SLC5A9: variants seen among roughly 807,000 people sequenced by gnomAD.
SLC5A9 encodes solute carrier family 5 member 9, also known as sodium/glucose cotransporter 4.
A neutral mutation model predicts 70.9 loss-of-function variants in SLC5A9; 59 were observed. That is an observed-to-expected ratio of 0.83 (90% CI 0.68 to 1.03). SLC5A9 has a LOEUF of 1.03. Ranked by LOEUF, SLC5A9 falls within the 50% of genes least tolerant of loss-of-function variation. SLC5A9 has a pLI of 0.00. For synonymous variants in SLC5A9, 340 were observed against 346.5 expected (o/e 0.98, Z 0.21); for missense variants, 832 against 881.1 (o/e 0.94, Z 0.71).
At chr1:48,246,032 C>G (rs1569874620) in intron 13 of SLC5A9, among the ~76,000 whole-genome samples, 1 of 151,610 alleles carries the variant, frequency 6.6e-6, no homozygotes, top group Admixed American at 6.6e-5. Flanking sequence ...CAGAGTAGAT[C>G]TGAAAGAAAT....
intron 13 of SLC5A9, among the ~76,000 whole-genome samples, chr1:48,246,159 C>T (rs1644458181): frequency 6.6e-6 from 1 of 152,080 alleles, no homozygotes; most frequent in African/African-American, 2.4e-5. Flanking sequence ...TCTGTGCATC[C>T]TCTGTCTCAG....
intron 2 of SLC5A9, among the ~76,000 whole-genome samples, chr1:48,225,564 G>A (rs1194888696): frequency 6.6e-6 from 1 of 152,036 alleles, no homozygotes; most frequent in Non-Finnish European, 1.5e-5. Context: ...CCCAGTGGTA[G>A]CTGAAGCAGT....
intron 2 of SLC5A9, among the ~76,000 whole-genome samples, chr1:48,225,797 TAC>T (rs1385401350): frequency 4.6e-5 from 7 of 152,212 alleles, no homozygotes; most frequent in Non-Finnish European, 8.8e-5. Context: ...CTCACTCTCA[TAC>T]ACACTGTCAC....
At chr1:48,230,108 G>A (rs1450185961) in intron 4 of SLC5A9, among the ~76,000 whole-genome samples, 1 of 152,226 alleles carries the variant, frequency 6.6e-6, no homozygotes, top group Non-Finnish European at 1.5e-5. Context: ...GCCCATGTCT[G>A]CTAATAAACC....
chr1:48,233,854 G>A (rs1330763653), intron 9 of SLC5A9, 92 bp downstream of exon 9: 8 of 888,578 alleles, frequency 9.0e-6, no homozygotes, highest in Non-Finnish European at 1.3e-5. Flanking sequence ...ACATGGATGG[G>A]AAGAGGGAAG....
At chr1:48,245,851 C>T (rs1438564303) in intron 13 of SLC5A9, among the ~76,000 whole-genome samples, 1 of 151,880 alleles carries the variant, frequency 6.6e-6, no homozygotes, top group East Asian at 1.9e-4. Context: ...GTCATAGCTG[C>T]TCAGGAGGCT....
chr1:48,222,922 C>G, intron 1 of SLC5A9, 24 bp downstream of exon 1: 1 of 1,612,406 alleles, frequency 6.2e-7, no homozygotes, highest in South Asian at 1.1e-5. Flanking sequence ...GAGGCTGGGG[C>G]TAGCAGGGGA....
At chr1:48,228,399 C>T (rs1644195349) in intron 2 of SLC5A9, 1 of 169,632 alleles carries the variant, frequency 5.9e-6, no homozygotes, top group Non-Finnish European at 1.3e-5. Flanking sequence ...AGAGGTCGAC[C>T]TGGCCTGTGC....
chr1:48,224,426 A>G (rs907367504), intron 1 of SLC5A9, among the ~76,000 whole-genome samples: 1 of 152,200 alleles, frequency 6.6e-6, no homozygotes, highest in African/African-American at 2.4e-5. Flanking sequence ...TGGGGAGGGA[A>G]GGATAAGGGG....
intron 1 of SLC5A9, among the ~76,000 whole-genome samples, chr1:48,224,414 T>C (rs780578741): frequency 2.3e-4 from 35 of 152,214 alleles, no homozygotes; most frequent in Middle Eastern, 3.4e-3. Context: ...GAAAGCGCAC[T>C]TTGGGGAGGG....
chr1:48,226,143 CTG>C (rs1315394274), intron 2 of SLC5A9, among the ~76,000 whole-genome samples: 1 of 152,168 alleles, frequency 6.6e-6, no homozygotes, highest in Non-Finnish European at 1.5e-5. Flanking sequence ...GGCGGGGTCA[CTG>C]GTGCTACAGC....
chr1:48,231,882 T>C, intron 6 of SLC5A9, 64 bp from the exon 7 acceptor site: 2 of 1,603,338 alleles, frequency 1.2e-6, no homozygotes, highest in South Asian at 2.2e-5. Context: ...AGGCTGGGGC[T>C]GGGCTTGCTG....
chr1:48,235,261 C>T (rs1340343734), intron 9 of SLC5A9, among the ~76,000 whole-genome samples: 1 of 152,172 alleles, frequency 6.6e-6, no homozygotes, highest in East Asian at 1.9e-4. Context: ...GGGCTTTAGC[C>T]CAACACCACC....
At chr1:48,228,604 A>G (rs1049799474) in intron 2 of SLC5A9, 5 of 537,694 alleles carry the variant, frequency 9.3e-6, no homozygotes, top group African/African-American at 7.7e-5. Context: ...CCACTTCACC[A>G]TTTACTCACT....
At position 48,232,021 on chromosome 1, in the gene SLC5A9, A is replaced by G. The variant is rs1298967389; in HGVS notation, c.767A>G (p.Asn256Ser). 14 of 1,613,914 alleles carry G rather than the reference A, an allele frequency of 8.7e-6. No homozygotes were observed. Among genetic ancestry groups the G allele is most frequent in the South Asian group, 5.5e-5 (5 of 91,082 alleles). The change falls in exon 7 of 14, where the codon AAC becomes AGC. Residue 256 changes from asparagine (N) to serine (S), a missense_variant. Physicochemically the swap from Asn to Ser is conservative, Grantham distance 46 (BLOSUM62 1). Coordinates refer to ENST00000438567, the MANE Select transcript of SLC5A9 (RefSeq NM_001011547.3). The stretch of plus-strand genomic sequence containing the variant: ...GCCATCCCTAATGTCACAGTCCCCA[A>G]CACCACCTGTCACCTCCCACGGCCC... Reference protein sequence around the residue: ...RQAIPNVTVPNTTCHLPRPDA... With the variant: ...RQAIPNVTVPSTTCHLPRPDA...
intron 13 of SLC5A9, among the ~76,000 whole-genome samples, chr1:48,244,270 G>C (rs992979063): frequency 6.6e-6 from 1 of 152,302 alleles, no homozygotes; most frequent in South Asian, 2.1e-4. Context: ...AGAGCTAAGA[G>C]CACAGACAGG....
chr1:48,234,500 T>C (rs1644300321), intron 9 of SLC5A9, among the ~76,000 whole-genome samples: 1 of 152,020 alleles, frequency 6.6e-6, no homozygotes, highest in African/African-American at 2.4e-5. Flanking sequence ...GTGGTCCAGG[T>C]AGGTGGACCA....
intron 1 of SLC5A9, 44 bp from the exon 2 acceptor site, chr1:48,224,680 C>G: frequency 6.3e-7 from 1 of 1,595,648 alleles, no homozygotes; most frequent in Non-Finnish European, 8.6e-7. Flanking sequence ...GGCAGAGGTT[C>G]AGAGAGTCTT....
chr1:48,222,920 G>A (rs777955176), intron 1 of SLC5A9, 22 bp downstream of exon 1: 6 of 1,612,650 alleles, frequency 3.7e-6, no homozygotes, highest in Non-Finnish European at 5.1e-6. Flanking sequence ...CTGAGGCTGG[G>A]GCTAGCAGGG....
Sources: allele counts gnomAD v4.1 joint callset (sites outside exome capture counted in the v4.1 genomes callset), GRCh38; gene constraint gnomAD v4.1.1; transcripts MANE v1.5; gene names NCBI Gene and HGNC (gene_info 2026-07-23, HGNC 2026-07-21).